The following MVK variants were observed in gnomAD, a reference collection of about 807,000 sequenced individuals.
MVK encodes mevalonate kinase.
A neutral mutation model predicts 43.2 loss-of-function variants in MVK; 34 were observed. The ratio of observed to expected loss-of-function variants is 0.79; its 90% CI spans 0.60 to 1.05. The LOEUF is 1.05. MVK is among the 50% of genes least tolerant of loss of function. The pLI is 0.00. For missense variants in MVK, 395 were observed against 504.0 expected (o/e 0.78, Z 2.07); for synonymous variants, 190 against 219.8 (o/e 0.86, Z 1.20).
rs762476313 is a variant in MVK at position 109,581,481 on chromosome 12, T to C, written c.458T>C (p.Leu153Pro). 1.2e-6 allele frequency: 2 copies of C among 1,614,204 alleles called. No homozygotes were observed. Among genetic ancestry groups the C allele is most frequent in the Non-Finnish European group, 1.7e-6 (2 of 1,180,020 alleles). Residue 153 changes from leucine (L) to proline (P), a missense_variant, in exon 5 of 11, where the codon CTG (leucine) becomes CCG (proline). By Grantham distance (98) the Leu-to-Pro change is moderately conservative. Coordinates refer to ENST00000228510, the MANE Select transcript of MVK (RefSeq NM_000431.4). ...LGSSAAYSVC[L>P]AAALLTVCEE... Reference sequence around the variant, plus strand: ...TCCAGCGCCGCCTACTCGGTGTGTCTGGCAGCAGCCCTCCTGACTGTGTGC... The same window carrying C: ...TCCAGCGCCGCCTACTCGGTGTGTCCGGCAGCAGCCCTCCTGACTGTGTGC...
intron 2 of MVK, 135 bp from the exon 3 acceptor site, chr12:109,575,863 G>GT: frequency 9.5e-7 from 1 of 1,048,458 alleles, no homozygotes; most frequent in South Asian, 1.3e-5. Context: ...GCATGCCAAG[G>GT]TTGATTAGCA....
At chr12:109,579,680 C>G in intron 3 of MVK, 122 bp from the exon 4 acceptor site, 1 of 1,360,804 alleles carries the variant, frequency 7.3e-7, no homozygotes, top group East Asian at 2.4e-5. Context: ...GGGTTCAGAC[C>G]ATAAATTCGT....
At chr12:109,586,935 G>A in intron 7 of MVK, 136 bp downstream of exon 7, 1 of 1,002,348 alleles carries the variant, frequency 1.0e-6, no homozygotes. Context: ...CCCTCACAGT[G>A]CACTAGCTGC....
At chr12:109,590,421 T>C (rs1200705285) in intron 7 of MVK, 3 of 373,052 alleles carry the variant, frequency 8.0e-6, no homozygotes, top group Non-Finnish European at 1.6e-5. Context: ...CCTTCCTCAG[T>C]TCTCAGTGTC....
chr12:109,582,963 C>T (rs1050642562), intron 5 of MVK, among the ~76,000 whole-genome samples: 11 of 152,198 alleles, frequency 7.2e-5, no homozygotes, highest in Non-Finnish European at 1.6e-4. Flanking sequence ...ACCACCACCC[C>T]GCCCCAGCCC....
chr12:109,593,841 C>T (rs1309129840), intron 9 of MVK, among the ~76,000 whole-genome samples: 9 of 151,154 alleles, frequency 6.0e-5, no homozygotes, highest in Non-Finnish European at 1.2e-4. Context: ...CCGCAGCCTC[C>T]TGAGTAGCTG....
rs1198834556 is a variant in MVK, at chr12:109,590,932, C to A, written c.768+71C>A. 14 of 1,497,794 alleles carry A rather than the reference C, an allele frequency of 9.3e-6. No homozygotes were observed. Among genetic ancestry groups the A allele is most frequent in the Non-Finnish European group, 1.3e-5 (14 of 1,082,858 alleles). The allele number at this position is 1,497,794 out of a possible 1,614,324, so 92.8% of individuals were successfully genotyped here. A position where few individuals can be genotyped will look rare whatever the true frequency, so the allele number is the denominator to read the frequency against. On this transcript the variant is annotated intron_variant, in intron 8 of 10. Transcript: ENST00000228510. The stretch of plus-strand genomic sequence containing the variant: ...ACAATTACATCTGGATTTTCGAGGT[C>A]TCCCTCTGGCTGATGGGTTATAGGG...
chr12:109,580,309 C>G (rs1033334597), intron 4 of MVK, among the ~76,000 whole-genome samples: 8 of 152,170 alleles, frequency 5.3e-5, no homozygotes, highest in Admixed American at 2.0e-4. Context: ...CACTGTGTTG[C>G]CCAGGCTGGT....
chr12:109,580,054 C>T, intron 4 of MVK, 108 bp downstream of exon 4: 2 of 1,495,328 alleles, frequency 1.3e-6, no homozygotes, highest in Admixed American at 1.8e-5. Context: ...TCTAGAGCAG[C>T]AGCCATTGGC....
chr12:109,579,181 G>A (rs756390213), intron 3 of MVK: 19 of 416,028 alleles, frequency 4.6e-5, no homozygotes, highest in South Asian at 1.4e-4. Context: ...ACTCTGTTAT[G>A]CAGCCTGGAG....
At chr12:109,584,290 G>A (rs181691529) in intron 5 of MVK, among the ~76,000 whole-genome samples, 11 of 152,262 alleles carry the variant, frequency 7.2e-5, no homozygotes, top group Admixed American at 2.0e-4. Context: ...TGCCAAGTCC[G>A]TAAAAATCCT....
Position 109,595,773 on chromosome 12 carries a change from C to T in MVK, c.1039+592C>T, listed in dbSNP as rs1379061616. ...CCACCTGCCTCCATTTCCCTCTGTGCTCCTTGTCCCCTCCTTCCTTCCTTC... is the reference window on the plus strand; with the variant it reads ...CCACCTGCCTCCATTTCCCTCTGTGTTCCTTGTCCCCTCCTTCCTTCCTTC... On this transcript the variant is annotated intron_variant, in intron 10 of 10. Transcript: ENST00000228510. The surrounding 1 kb of genome is among the most constrained non-coding windows in gnomAD (Gnocchi z 5.9). Among the ~76,000 whole-genome samples, 2 of 152,170 alleles carry T rather than the reference C, an allele frequency of 1.3e-5. No individual in the cohort carries two copies. Among genetic ancestry groups the T allele is most frequent in the Admixed American group, 6.5e-5 (1 of 15,284 alleles).
At chr12:109,586,670 C>T in intron 6 of MVK, 84 bp from the exon 7 acceptor site, 2 of 1,509,138 alleles carry the variant, frequency 1.3e-6, no homozygotes, top group South Asian at 1.1e-5. Flanking sequence ...AAAATGAACC[C>T]AACCCAAAGT....
chr12:109,575,649 A>C (rs538318472), intron 2 of MVK, among the ~76,000 whole-genome samples: 2 of 152,166 alleles, frequency 1.3e-5, no homozygotes, highest in South Asian at 4.2e-4. Context: ...TGGCCTCCCA[A>C]AGTGCTGGGA....
intron 7 of MVK, chr12:109,590,169 T>C (rs914065508): frequency 5.6e-6 from 1 of 179,112 alleles, no homozygotes; most frequent in Non-Finnish European, 1.2e-5. Context: ...CCGCACCAGC[T>C]AGCCTGGGCA....
chr12:109,595,330 G>A lies in MVK; in HGVS notation c.1039+149G>A. ...GCAAGTTAGTTAACCTCTGGTCTTT[G>A]CTTCCTCATTGGTAAAATAAGGATG... is the stretch of plus-strand genomic sequence containing the variant. On this transcript the variant is annotated intron_variant, in intron 10 of 10. Coordinates refer to ENST00000228510, the MANE Select transcript of MVK (RefSeq NM_000431.4). This position sits in a 1 kb window ranked among gnomAD's most constrained non-coding sequence, Gnocchi z 5.9. 2 of 990,494 alleles carry A rather than the reference G, an allele frequency of 2.0e-6. No individual in the cohort carries two copies. Among genetic ancestry groups the A allele is most frequent in the Non-Finnish European group, 2.9e-6 (2 of 687,272 alleles). The allele number at this position is 990,494 out of a possible 1,614,324, so 61.4% of individuals were successfully genotyped here. A position where few individuals can be genotyped will look rare whatever the true frequency, so the allele number is the denominator to read the frequency against.
At position 109,579,888 on chromosome 12, in the gene MVK, G is replaced by A. The variant is rs1458440007; in HGVS notation, c.313G>A (p.Glu105Lys). ...AGLPDDCAVT[E>K]RLAVLAFLYL... ...CTTGCCTGACGACTGTGCTGTCACCGAGCGCCTGGCTGTGCTGGCCTTTCT... is the reference window on the plus strand; with the variant it reads ...CTTGCCTGACGACTGTGCTGTCACCAAGCGCCTGGCTGTGCTGGCCTTTCT... Residue 105 changes from glutamate to lysine, a missense_variant, in exon 4 of 11, where the codon GAG becomes AAG. By Grantham distance (56) the Glu-to-Lys change is moderately conservative. Coordinates refer to ENST00000228510, the MANE Select transcript of MVK (RefSeq NM_000431.4). 16 of 1,614,232 alleles carry A rather than the reference G, an allele frequency of 9.9e-6. No homozygotes were observed. The highest frequency in any genetic ancestry group is 1.3e-5 in the African/African-American group (1 of 75,070).
At chr12:109,575,963 C>G in intron 2 of MVK, 35 bp from the exon 3 acceptor site, 1 of 1,613,576 alleles carries the variant, frequency 6.2e-7, no homozygotes, top group East Asian at 2.2e-5. Context: ...TGCCACTCAC[C>G]CTCAGGCTTA....
At chr12:109,573,516 GT>G (rs774022433), upstream of MVK, 1 of 1,577,820 alleles carries the variant, frequency 6.3e-7, no homozygotes, top group Non-Finnish European at 8.6e-7. Context: ...ACCCCGCCAG[GT>G]TCCCGTCCAG....
Sources: gnomAD v4.1 joint callset for allele counts (sites outside exome capture counted in the v4.1 genomes callset) on GRCh38, gnomAD v4.1.1 for gene constraint, Gnocchi (gnomAD v3.1) non-coding constraint, MANE v1.5 for transcripts, NCBI Gene and HGNC (gene_info 2026-07-23, HGNC 2026-07-21) for gene names.